Variants in UST observed in about 807,000 individuals in gnomAD.
The protein encoded by UST is uronyl 2-sulfotransferase, also known as chondroitin sulfate 2-O-sulfotransferase.
Under a neutral mutation model 45.6 loss-of-function variants are expected in UST, and 21 were observed. The observed-to-expected ratio is 0.46, with a 90% CI of 0.33 to 0.66. UST has a LOEUF of 0.66. Among genes scored for constraint, UST ranks in the 30% least tolerant of loss-of-function variants. UST has a pLI of 0.02. For missense variants in UST, 463 were observed against 512.4 expected, an observed-to-expected ratio of 0.90 and a Z score of 0.93; for synonymous variants, 215 against 200.6, an observed-to-expected ratio of 1.07 and a Z score of -0.61.
At chr6:148,968,261 A>T (rs879702726) in intron 5 of UST, among the ~76,000 whole-genome samples, 1 of 152,272 alleles carries the variant, frequency 6.6e-6, no homozygotes, top group Non-Finnish European at 1.5e-5. Context: ...CAAGCATCTT[A>T]TAGCTATACC....
intron 5 of UST, among the ~76,000 whole-genome samples, chr6:148,978,960 C>T (rs575235334): frequency 1.3e-5 from 2 of 152,232 alleles, no homozygotes; most frequent in South Asian, 4.1e-4. Context: ...TGTCTAGGAT[C>T]CAGATCCTTT....
At chr6:148,811,818 T>C (rs1195532626) in intron 1 of UST, among the ~76,000 whole-genome samples, 1 of 152,220 alleles carries the variant, frequency 6.6e-6, no homozygotes, top group East Asian at 1.9e-4. Context: ...CAGTAACTTC[T>C]ATTGCTAACA....
intron 3 of UST, among the ~76,000 whole-genome samples, chr6:148,945,688 C>A (rs536907230): frequency 6.6e-6 from 1 of 152,292 alleles, no homozygotes; most frequent in African/African-American, 2.4e-5. Flanking sequence ...TTGAAGACTT[C>A]GAAAATTAAA....
At chr6:148,949,033 G>A (rs1238936345) in intron 3 of UST, among the ~76,000 whole-genome samples, 1 of 152,110 alleles carries the variant, frequency 6.6e-6, no homozygotes, top group Non-Finnish European at 1.5e-5. Context: ...GCTCACACCT[G>A]TAATCCTAGC....
At chr6:149,061,289 C>T (rs1038134564) in intron 7 of UST, among the ~76,000 whole-genome samples, 13 of 152,168 alleles carry the variant, frequency 8.5e-5, no homozygotes, top group Non-Finnish European at 1.6e-4. Flanking sequence ...CTCCCAGGAA[C>T]AGGTCTGTGA....
chr6:148,760,638 T>C (rs1369320222), intron 1 of UST, among the ~76,000 whole-genome samples: 3 of 145,004 alleles, frequency 2.1e-5, no homozygotes, highest in Non-Finnish European at 4.6e-5. Flanking sequence ...ACACAGAAAG[T>C]AAAAACCACA....
chr6:148,791,410 T>C (rs1562259144), intron 1 of UST, among the ~76,000 whole-genome samples: 2 of 152,240 alleles, frequency 1.3e-5, no homozygotes, highest in Non-Finnish European at 2.9e-5. Flanking sequence ...AAAACTATCA[T>C]GTGAATAAAT....
Position 148,815,642 on chromosome 6 carries a change from A to C in UST, c.247+67965A>C, listed in dbSNP as rs371314775. 5.3e-5 allele frequency among the ~76,000 whole-genome samples: 8 copies of C among 152,244 alleles called. No individual in the cohort carries two copies. In the East Asian group the frequency reaches 5.8e-4, roughly 11 times the overall value. On this transcript the variant is annotated intron_variant, in intron 1 of 7. Coordinates refer to ENST00000367463, the MANE Select transcript of UST (RefSeq NM_005715.3). ...ATACTTAAAAATATCATTGCCATTA[A>C]ATATGAAAATTGTCTTGACCAGAAA...
chr6:148,853,825 A>G lies in UST; in HGVS notation c.248-33161A>G, dbSNP rs150199334. On this transcript the variant is annotated intron_variant, in intron 1 of 7. Transcript: ENST00000367463. ...TAATGGGGTTGTTTGTTTTTCTTAA[A>G]GCCATTTGTTCTTCAACAGGGGACT... is the stretch of plus-strand genomic sequence containing the variant. 5.3e-3 allele frequency among the ~76,000 whole-genome samples: 812 copies of G among 152,180 alleles called. 7 individuals are homozygous for G. Among genetic ancestry groups the G allele is most frequent in the Middle Eastern group, 0.024 (7 of 294 alleles).
rs564637679 is a variant in UST, at chr6:148,770,957, A to G, written c.247+23280A>G. ...AAGTAACTTTAATCTTGATTAAAAA[A>G]AAAAGTTTGACAAGACAAACAACTT... On this transcript the variant is annotated intron_variant, in intron 1 of 7. Coordinates refer to ENST00000367463, the MANE Select transcript of UST (RefSeq NM_005715.3). 9.2e-5 allele frequency among the ~76,000 whole-genome samples: 14 copies of G among 152,338 alleles called. No individual in the cohort carries two copies. The East Asian group carries it at 2.7e-3, about 29-fold the overall frequency.
At chr6:148,982,901 A>T (rs1289110910) in intron 5 of UST, among the ~76,000 whole-genome samples, 1 of 152,202 alleles carries the variant, frequency 6.6e-6, no homozygotes, top group African/African-American at 2.4e-5. Context: ...CATTCCCTGT[A>T]CCTAAAACTA....
At chr6:148,929,475 G>T (rs1237067615) in intron 2 of UST, among the ~76,000 whole-genome samples, 1 of 152,214 alleles carries the variant, frequency 6.6e-6, no homozygotes, top group African/African-American at 2.4e-5. Flanking sequence ...TTCTGCATGG[G>T]ATGGCTGGAA....
intron 5 of UST, among the ~76,000 whole-genome samples, chr6:149,009,301 G>A (rs1211265270): frequency 1.3e-5 from 2 of 152,076 alleles, no homozygotes; most frequent in Non-Finnish European, 2.9e-5. Flanking sequence ...AAAGAGTAAC[G>A]ATTATAAAAG....
chr6:148,848,685 AT>A (rs1314096587), intron 1 of UST, among the ~76,000 whole-genome samples: 2 of 151,634 alleles, frequency 1.3e-5, no homozygotes, highest in South Asian at 2.1e-4. Context: ...AAAAAAAAAA[AT>A]GATTACACTA....
chr6:149,003,586 T>G (rs1781593317), intron 5 of UST, among the ~76,000 whole-genome samples: 1 of 152,216 alleles, frequency 6.6e-6, no homozygotes, highest in South Asian at 2.1e-4. Flanking sequence ...AACACTATAA[T>G]GGTGAGAATT....
intron 2 of UST, among the ~76,000 whole-genome samples, chr6:148,897,732 C>A (rs1779164630): frequency 6.6e-6 from 1 of 152,014 alleles, no homozygotes; most frequent in Admixed American, 6.6e-5. Context: ...TTCAAGTGAT[C>A]CTTCTGCCTC....
At chr6:149,040,254 TTTCAC>T (rs1776292672) in intron 7 of UST, among the ~76,000 whole-genome samples, 2 of 152,202 alleles carry the variant, frequency 1.3e-5, no homozygotes, top group Admixed American at 1.3e-4. Flanking sequence ...GCATTTTAAT[TTTCAC>T]TTGTCTCATT....
intron 1 of UST, among the ~76,000 whole-genome samples, chr6:148,855,762 C>T (rs1343367823): frequency 6.6e-6 from 1 of 152,116 alleles, no homozygotes; most frequent in African/African-American, 2.4e-5. Context: ...GAGACCCTTA[C>T]GATGAGATTC....
chr6:148,936,506 G>A (rs1780028635), intron 2 of UST, among the ~76,000 whole-genome samples: 1 of 150,364 alleles, frequency 6.7e-6, no homozygotes, highest in Admixed American at 6.6e-5. Flanking sequence ...GTTAAACAAG[G>A]ATGAAAAGGG....
Sources: gnomAD v4.1 joint callset for allele counts (sites outside exome capture counted in the v4.1 genomes callset) on GRCh38, gnomAD v4.1.1 for gene constraint, MANE v1.5 for transcripts, NCBI Gene and HGNC (gene_info 2026-07-23, HGNC 2026-07-21) for gene names.